C1QTNF3: variants seen among roughly 807,000 people sequenced by gnomAD.
C1QTNF3 encodes the protein complement C1q tumor necrosis factor-related protein 3.
Under a neutral mutation model 32.6 loss-of-function variants are expected in C1QTNF3, and 26 were observed. That is an observed-to-expected ratio of 0.80 (90% CI 0.58 to 1.11). The LOEUF (loss-of-function observed/expected upper bound fraction) is 1.11, where lower values mean the gene tolerates loss of function less well. Among genes scored for constraint, C1QTNF3 ranks in the 50% least tolerant of loss-of-function variants. The probability of loss-of-function intolerance (pLI) is 0.00; values close to 1 mark genes in which losing one functional copy is unlikely to be tolerated. For synonymous variants in C1QTNF3, 155 were observed against 146.0 expected, an observed-to-expected ratio of 1.06 and a Z score of -0.44; for missense variants, 362 against 398.2, an observed-to-expected ratio of 0.91 and a Z score of 0.77.
At chr5:34,041,036 T>G (rs1754860476) in intron 1 of C1QTNF3, among the ~76,000 whole-genome samples, 1 of 152,222 alleles carries the variant, frequency 6.6e-6, no homozygotes, top group Non-Finnish European at 1.5e-5. Flanking sequence ...GGCATATTTA[T>G]CTTTATATAT....
chr5:34,214,210 A>G, the C1QTNF3 span, among the ~76,000 whole-genome samples: 471 of 152,224 alleles, frequency 3.1e-3, 8 homozygotes, highest in Middle Eastern at 6.8e-3. Context: ...GGAAAAAGCA[A>G]TTTTTAAAAA....
chr5:34,080,078 T>TGTATACATTTAACTTGA, the C1QTNF3 span, among the ~76,000 whole-genome samples: 1 of 151,736 alleles, frequency 6.6e-6, no homozygotes, highest in Admixed American at 6.6e-5. Context: ...TATGTGCAGT[T>TGTATACATTTAACTTGA]TTTTGTATGC....
At chr5:34,176,045 T>TA in the C1QTNF3 span, 1 of 622,518 alleles carries the variant, frequency 1.6e-6, no homozygotes, top group East Asian at 2.8e-5. Flanking sequence ...GTGACCAAAA[T>TA]ATCTGTCCTC....
At chr5:34,211,145 G>T in the C1QTNF3 span, among the ~76,000 whole-genome samples, 2 of 150,948 alleles carry the variant, frequency 1.3e-5, no homozygotes, top group Admixed American at 1.3e-4. Flanking sequence ...TTTCATATAT[G>T]TACACAAAAA....
chr5:34,046,801 A>G (rs1754992758), upstream of C1QTNF3, among the ~76,000 whole-genome samples: 1 of 152,228 alleles, frequency 6.6e-6, no homozygotes, highest in Non-Finnish European at 1.5e-5. Context: ...CTACACATGT[A>G]CTATCTTGTA....
chr5:34,052,938 C>T, the C1QTNF3 span, among the ~76,000 whole-genome samples: 1,023 of 152,276 alleles, frequency 6.7e-3, 11 homozygotes, highest in South Asian at 0.045. Flanking sequence ...TATGCCTCCA[C>T]TGAATTCAGC....
the C1QTNF3 span, among the ~76,000 whole-genome samples, chr5:34,177,677 C>T: frequency 2.0e-5 from 3 of 151,528 alleles, no homozygotes; most frequent in Non-Finnish European, 4.4e-5. Context: ...TTAGTAGAGA[C>T]GGGGTTTCAC....
the C1QTNF3 span, among the ~76,000 whole-genome samples, chr5:34,107,682 A>G: frequency 6.6e-6 from 1 of 152,012 alleles, no homozygotes; most frequent in Admixed American, 6.6e-5. Context: ...GAGAATGAGG[A>G]AAGGACCTGT....
At chr5:34,167,486 G>A in the C1QTNF3 span, 3 of 152,194 alleles carry the variant, frequency 2.0e-5, no homozygotes, top group Non-Finnish European at 4.4e-5. Flanking sequence ...ATGTAGCAAA[G>A]TTCCTGCCTT....
the C1QTNF3 span, among the ~76,000 whole-genome samples, chr5:34,071,799 A>G: frequency 6.6e-6 from 1 of 152,168 alleles, no homozygotes; most frequent in East Asian, 1.9e-4. Flanking sequence ...TTGCTGAGAA[A>G]AGAAGATGTG....
At chr5:34,069,850 C>A in the C1QTNF3 span, among the ~76,000 whole-genome samples, 2 of 152,060 alleles carry the variant, frequency 1.3e-5, no homozygotes, top group South Asian at 2.1e-4. Flanking sequence ...ATTCAAATAA[C>A]AATAATGTTA....
chr5:34,056,997 C>T, the C1QTNF3 span, among the ~76,000 whole-genome samples: 1 of 152,160 alleles, frequency 6.6e-6, no homozygotes, highest in African/African-American at 2.4e-5. Flanking sequence ...CTGACCAATG[C>T]AAACTTTGGG....
chr5:34,208,913 G>A, the C1QTNF3 span, among the ~76,000 whole-genome samples: 3 of 151,974 alleles, frequency 2.0e-5, no homozygotes, highest in East Asian at 1.9e-4. Flanking sequence ...TCAACAACAC[G>A]GTCTCAACCA....
chr5:34,160,210 A>G, the C1QTNF3 span, among the ~76,000 whole-genome samples: 1 of 152,294 alleles, frequency 6.6e-6, no homozygotes, highest in Admixed American at 6.5e-5. Flanking sequence ...ATAGATTTGC[A>G]AAGTTGCATT....
the C1QTNF3 span, among the ~76,000 whole-genome samples, chr5:34,142,796 T>C: frequency 6.6e-6 from 1 of 152,162 alleles, no homozygotes; most frequent in Non-Finnish European, 1.5e-5. Context: ...CATACTCAAC[T>C]TAGTCACCTT....
At chr5:34,213,277 T>G in the C1QTNF3 span, among the ~76,000 whole-genome samples, 1 of 152,134 alleles carries the variant, frequency 6.6e-6, no homozygotes, top group African/African-American at 2.4e-5. Context: ...CTCTATGAAG[T>G]TTGCACAGTA....
At chr5:34,140,654 T>C in the C1QTNF3 span, among the ~76,000 whole-genome samples, 1 of 152,196 alleles carries the variant, frequency 6.6e-6, no homozygotes, top group Non-Finnish European at 1.5e-5. Context: ...GATTAGAAAG[T>C]CTGCATTTTG....
the C1QTNF3 span, among the ~76,000 whole-genome samples, chr5:34,051,185 T>C: frequency 1.3e-5 from 2 of 152,206 alleles, no homozygotes; most frequent in African/African-American, 4.8e-5. Flanking sequence ...AACCCTAGGA[T>C]AGCAGAGCAG....
chr5:34,175,921 T>C, the C1QTNF3 span: 4 of 828,156 alleles, frequency 4.8e-6, no homozygotes, highest in Non-Finnish European at 8.6e-6. Context: ...TCTAGCAGAC[T>C]TTTCTGGTAC....
Sources: allele counts gnomAD v4.1 joint callset (sites outside exome capture counted in the v4.1 genomes callset), GRCh38; gene constraint gnomAD v4.1.1; transcripts MANE v1.5; gene names NCBI Gene and HGNC (gene_info 2026-07-23, HGNC 2026-07-21).